Variants in DISC1 observed in about 807,000 individuals in gnomAD.
DISC1 encodes DISC1 scaffold protein.
Under a neutral mutation model 84.5 loss-of-function variants are expected in DISC1, and 57 were observed. The observed-to-expected ratio is 0.67, with a 90% CI of 0.55 to 0.84. The LOEUF is 0.84. Ranked by LOEUF, DISC1 falls within the 40% of genes least tolerant of loss-of-function variation. The pLI is 0.00. For missense variants in DISC1, 1,000 were observed against 1,057.8 expected (o/e 0.95, Z 0.76); for synonymous variants, 411 against 415.2 (o/e 0.99, Z 0.12).
At chr1:231,804,846 C>T (rs1205483569) in intron 8 of DISC1, among the ~76,000 whole-genome samples, 3 of 152,142 alleles carry the variant, frequency 2.0e-5, no homozygotes, top group Admixed American at 6.5e-5. Context: ...TTTAGGGAGC[C>T]ATTACCATGT....
intron 6 of DISC1, among the ~76,000 whole-genome samples, chr1:231,792,933 C>T (rs2078458098): frequency 6.6e-6 from 1 of 152,220 alleles, no homozygotes; most frequent in Admixed American, 6.5e-5. Flanking sequence ...GTGTCACATG[C>T]CCCACCTCTG....
At chr1:231,723,017 A>T in intron 3 of DISC1, 1 of 1,104,714 alleles carries the variant, frequency 9.1e-7, no homozygotes, top group African/African-American at 1.6e-5. Context: ...ATTATGAAGG[A>T]ATCATTTTCC....
chr1:231,810,245 C>G (rs2125700856), intron 8 of DISC1, among the ~76,000 whole-genome samples: 1 of 152,308 alleles, frequency 6.6e-6, no homozygotes, highest in Non-Finnish European at 1.5e-5. Context: ...CTACACAGTG[C>G]TCCTGTGTCT....
intron 9 of DISC1, among the ~76,000 whole-genome samples, chr1:231,872,844 A>G (rs987971459): frequency 7.9e-5 from 12 of 152,240 alleles, no homozygotes; most frequent in Non-Finnish European, 1.5e-4. Flanking sequence ...AGATAAGTGC[A>G]TATTTCAGAG....
intron 11 of DISC1, among the ~76,000 whole-genome samples, chr1:232,014,781 C>T (rs570066847): frequency 2.6e-5 from 4 of 152,232 alleles, no homozygotes; most frequent in East Asian, 1.9e-4. Flanking sequence ...GGGCTGGAAA[C>T]GTTAAGAGCA....
chr1:231,703,719 G>T (rs1266017682), intron 3 of DISC1, among the ~76,000 whole-genome samples: 2 of 152,184 alleles, frequency 1.3e-5, no homozygotes, highest in Non-Finnish European at 2.9e-5. Context: ...AATGGGGTTT[G>T]AGAGGATACA....
At chr1:231,657,956 G>A (rs992910711) in intron 1 of DISC1, among the ~76,000 whole-genome samples, 5 of 152,136 alleles carry the variant, frequency 3.3e-5, no homozygotes, top group Non-Finnish European at 7.4e-5. Context: ...GATTGTCTTG[G>A]CCATTTGGGA....
intron 10 of DISC1, among the ~76,000 whole-genome samples, chr1:232,002,933 A>G (rs936922950): frequency 1.3e-5 from 2 of 152,220 alleles, no homozygotes; most frequent in Admixed American, 6.5e-5. Flanking sequence ...AGTGGATTTT[A>G]TCAATGTCAA....
intron 3 of DISC1, among the ~76,000 whole-genome samples, chr1:231,703,185 A>G (rs1211137073): frequency 6.6e-6 from 1 of 152,218 alleles, no homozygotes; most frequent in Non-Finnish European, 1.5e-5. Flanking sequence ...GTCACGGGGC[A>G]TGGGAGGAAG....
At chr1:231,706,022 C>G (rs888820382) in intron 3 of DISC1, among the ~76,000 whole-genome samples, 2 of 152,096 alleles carry the variant, frequency 1.3e-5, no homozygotes, top group African/African-American at 4.8e-5. Context: ...GTAGAGAGTT[C>G]CATGTTTTAT....
At chr1:231,810,731 G>A (rs547250336) in intron 8 of DISC1, among the ~76,000 whole-genome samples, 2 of 152,324 alleles carry the variant, frequency 1.3e-5, no homozygotes, top group Admixed American at 1.3e-4. Context: ...TTGGTCAGGG[G>A]ACCATATTTG....
chr1:231,886,112 C>T lies in DISC1; in HGVS notation c.1981+67595C>T, dbSNP rs550002177. 1.2e-4 allele frequency among the ~76,000 whole-genome samples: 18 copies of T among 152,200 alleles called. 1 individual carries two copies. The South Asian group carries it at 2.7e-3, about 23-fold the overall frequency. On this transcript the variant is annotated intron_variant, in intron 9 of 12. Coordinates refer to ENST00000439617, the MANE Select transcript of DISC1 (RefSeq NM_018662.3). ...TCTAATGAACCCCCTCCCACAGTAA[C>T]GGCGTTAATCCATTCTAGAGGGTGG... is the stretch of plus-strand genomic sequence containing the variant.
chr1:231,740,752 T>G (rs956333277), intron 3 of DISC1, among the ~76,000 whole-genome samples: 1 of 152,236 alleles, frequency 6.6e-6, no homozygotes, highest in Non-Finnish European at 1.5e-5. Context: ...TTATGTTTTT[T>G]GTACATCTTA....
At chr1:231,967,768 T>C (rs1280800358) in intron 10 of DISC1, among the ~76,000 whole-genome samples, 2 of 152,228 alleles carry the variant, frequency 1.3e-5, no homozygotes, top group Admixed American at 6.5e-5. Context: ...TTGATAATCA[T>C]TGATTTTTGC....
At chr1:231,770,583 A>T (rs2076479897) in intron 5 of DISC1, among the ~76,000 whole-genome samples, 1 of 152,152 alleles carries the variant, frequency 6.6e-6, no homozygotes, top group Non-Finnish European at 1.5e-5. Flanking sequence ...TCCAAGTCAA[A>T]TTCTTGGCTC....
intron 3 of DISC1, among the ~76,000 whole-genome samples, chr1:231,738,371 C>A (rs2072799069): frequency 6.6e-6 from 1 of 152,222 alleles, no homozygotes; most frequent in South Asian, 2.1e-4. Flanking sequence ...TTTCCTCCTG[C>A]TTGAGCAGTT....
intron 1 of DISC1, among the ~76,000 whole-genome samples, chr1:231,643,865 G>A (rs2059924019): frequency 6.6e-6 from 1 of 152,144 alleles, no homozygotes; most frequent in Admixed American, 6.5e-5. Context: ...GGTGAATGGA[G>A]CCCTGGTGCT....
chr1:231,856,609 T>A (rs1328776865), intron 9 of DISC1, among the ~76,000 whole-genome samples: 1 of 152,200 alleles, frequency 6.6e-6, no homozygotes, highest in African/African-American at 2.4e-5. Context: ...GCCATTTCTT[T>A]ATGTGGCTGC....
intron 4 of DISC1, among the ~76,000 whole-genome samples, chr1:231,756,300 G>T (rs2075105714): frequency 1.3e-5 from 2 of 152,116 alleles, no homozygotes; most frequent in African/African-American, 4.8e-5. Flanking sequence ...CTTCACTTCT[G>T]CTTAGGTCTT....
Sources: gnomAD v4.1 joint callset for allele counts (sites outside exome capture counted in the v4.1 genomes callset) on GRCh38, gnomAD v4.1.1 for gene constraint, MANE v1.5 for transcripts, NCBI Gene and HGNC (gene_info 2026-07-23, HGNC 2026-07-21) for gene names.